CLNS1A: variants seen among roughly 807,000 people sequenced by gnomAD.
The protein encoded by CLNS1A is methylosome subunit pICln.
In CLNS1A, 16 loss-of-function variants were observed where a neutral mutation model predicts 29.4. The ratio of observed to expected loss-of-function variants is 0.54; its 90% confidence interval spans 0.37 to 0.83. The LOEUF (loss-of-function observed/expected upper bound fraction) is 0.83. CLNS1A is among the 40% of genes least tolerant of loss of function. CLNS1A has a pLI of 0.00. For missense variants in CLNS1A, 235 were observed against 287.4 expected (o/e 0.82, Z 1.32); for synonymous variants, 96 against 104.8 (o/e 0.92, Z 0.51).
chr11:77,630,027 C>A, intron 1 of CLNS1A, 128 bp from the exon 2 acceptor site: 1 of 773,276 alleles, frequency 1.3e-6, no homozygotes, highest in Non-Finnish European at 1.9e-6. Context: ...TTTTTAGAAA[C>A]GTTCATAAAA....
At chr11:77,617,923 G>GA (rs1218304284) in intron 6 of CLNS1A, among the ~76,000 whole-genome samples, 74 of 102,246 alleles carry the variant, frequency 7.2e-4, no homozygotes, top group Admixed American at 9.1e-4. Flanking sequence ...ATCTCAAAAA[G>GA]AAAAAAAAAA....
chr11:77,635,934 CGT>C (rs1959120622), intron 1 of CLNS1A, among the ~76,000 whole-genome samples: 1 of 152,056 alleles, frequency 6.6e-6, no homozygotes. Context: ...CACCCGTCGG[CGT>C]ATCCCTAGGG....
intron 6 of CLNS1A, among the ~76,000 whole-genome samples, chr11:77,617,778 C>T (rs943033244): frequency 3.3e-5 from 5 of 151,224 alleles, no homozygotes; most frequent in East Asian, 1.9e-4. Flanking sequence ...ATTAGCCAGG[C>T]GTGGTGGCGC....
At chr11:77,637,426 A>T (rs2135783330) in intron 1 of CLNS1A, among the ~76,000 whole-genome samples, 164 bp downstream of exon 1, 1 of 151,358 alleles carries the variant, frequency 6.6e-6, no homozygotes, top group South Asian at 2.1e-4. Flanking sequence ...GTACTAGAAA[A>T]ATCGAGCCTT....
At chr11:77,626,055 C>A (rs551264338) in intron 2 of CLNS1A, among the ~76,000 whole-genome samples, 8 of 152,002 alleles carry the variant, frequency 5.3e-5, no homozygotes, top group Non-Finnish European at 1.0e-4. Flanking sequence ...CGCGCCTCAC[C>A]GGGAATGAAT....
At chr11:77,620,676 G>A (rs557819860) in intron 5 of CLNS1A, among the ~76,000 whole-genome samples, 53 of 151,980 alleles carry the variant, frequency 3.5e-4, no homozygotes, top group Non-Finnish European at 6.5e-4. Flanking sequence ...GGGCATGGTG[G>A]CAGGCGCTTA....
intron 1 of CLNS1A, among the ~76,000 whole-genome samples, chr11:77,634,942 C>T (rs1444576724): frequency 6.6e-6 from 1 of 151,946 alleles, no homozygotes; most frequent in Non-Finnish European, 1.5e-5. Context: ...ACTACAGGCA[C>T]GTGCAACCAC....
At chr11:77,631,485 T>A (rs1369399260) in intron 1 of CLNS1A, among the ~76,000 whole-genome samples, 1 of 151,708 alleles carries the variant, frequency 6.6e-6, no homozygotes, top group African/African-American at 2.4e-5. Context: ...CACACCCGGC[T>A]AATTTTTTGT....
At chr11:77,636,025 A>G (rs1959121767) in intron 1 of CLNS1A, among the ~76,000 whole-genome samples, 1 of 152,054 alleles carries the variant, frequency 6.6e-6, no homozygotes, top group African/African-American at 2.4e-5. Flanking sequence ...ACGACCTCCA[A>G]ACATCTCTCT....
At position 77,614,862 on chromosome 11, in the gene CLNS1A, C is replaced by T. The variant is rs1356887309; in HGVS notation, c.*1856G>A. The T allele has an allele frequency of 6.6e-6, 1 of 152,180 alleles. No individual in the cohort carries two copies. The highest frequency in any genetic ancestry group is 1.5e-5 in the Non-Finnish European group (1 of 68,030). The allele number at this position is 152,180 out of a possible 1,614,324, so 9.4% of individuals were successfully genotyped here. A position where few individuals can be genotyped will look rare whatever the true frequency, so the allele number is the denominator to read the frequency against. On this transcript the variant is annotated 3_prime_UTR_variant, in exon 7 of 7. Coordinates refer to ENST00000525428, the MANE Select transcript of CLNS1A (RefSeq NM_001293.3). ...AATCAATAAATATTGTCTGGCTGAT[C>T]ATTATAAATTTTATCTTTTAAAAGC... is the stretch of plus-strand genomic sequence containing the variant.
chr11:77,614,595 C>T lies in CLNS1A; in HGVS notation c.*2123G>A, dbSNP rs921643110. 3 of 152,432 alleles carry T rather than the reference C, an allele frequency of 2.0e-5. No homozygotes were observed. Among genetic ancestry groups the T allele is most frequent in the African/African-American group, 7.2e-5 (3 of 41,570 alleles). 9.4% of individuals were successfully genotyped at this position (152,432 alleles called of 1,614,324 possible). ...CTCCTGACCTCAAGTGATCTGCCCACCTGAGCCTCCCAAAGTGCTGGGATT... is the reference window on the plus strand; with the variant it reads ...CTCCTGACCTCAAGTGATCTGCCCATCTGAGCCTCCCAAAGTGCTGGGATT... On this transcript the variant is annotated 3_prime_UTR_variant, in exon 7 of 7. Coordinates refer to ENST00000525428, the MANE Select transcript of CLNS1A (RefSeq NM_001293.3).
Position 77,625,585 on chromosome 11 carries a change from T to C in CLNS1A, c.364+132A>G, listed in dbSNP as rs1410502408. On this transcript the variant is annotated intron_variant, in intron 3 of 6. Transcript: ENST00000525428. ...CTTAATGATATTACCAATGCTAAAA[T>C]AAAGAAAAAGCAATAGAATGGAGGT... 5.4e-6 allele frequency: 4 copies of C among 734,376 alleles called. No individual in the cohort carries two copies. In the African/African-American group the frequency reaches 7.1e-5, roughly 13 times the overall value. 45.5% of individuals were successfully genotyped at this position (734,376 alleles called of 1,614,324 possible).
rs200585111 is a variant in CLNS1A, at chr11:77,614,796, AAG to A, written c.*1920_*1921del. The A allele has an allele frequency of 2.6e-5, 4 of 152,356 alleles. No homozygotes were observed. In the East Asian group the frequency reaches 5.8e-4, roughly 22 times the overall value. 9.4% of individuals were successfully genotyped at this position (152,356 alleles called of 1,614,324 possible). A position where few individuals can be genotyped will look rare whatever the true frequency, so the allele number is the denominator to read the frequency against. The stretch of plus-strand genomic sequence containing the variant: ...AGTGTCTCTACATCAGGAACACACA[AAG>A]AAAACAATTCCAGCAACCCTAAAAT... On this transcript the variant is annotated 3_prime_UTR_variant, in exon 7 of 7. Coordinates refer to ENST00000525428, the MANE Select transcript of CLNS1A (RefSeq NM_001293.3).
chr11:77,635,324 AAC>A (rs1959113631), intron 1 of CLNS1A, among the ~76,000 whole-genome samples: 1 of 151,752 alleles, frequency 6.6e-6, no homozygotes, highest in Non-Finnish European at 1.5e-5. Context: ...GGGTAGTAAT[AAC>A]ACAACTTTTC....
intron 2 of CLNS1A, among the ~76,000 whole-genome samples, 184 bp from the exon 3 acceptor site, chr11:77,626,002 G>T (rs562036948): frequency 2.6e-5 from 4 of 151,964 alleles, no homozygotes; most frequent in Admixed American, 2.0e-4. Flanking sequence ...TCGATCTCCT[G>T]ACCTCGAGAT....
At chr11:77,625,293 GA>G in intron 3 of CLNS1A, 2 of 527,872 alleles carry the variant, frequency 3.8e-6, no homozygotes, top group Non-Finnish European at 6.7e-6. Context: ...GATTTTCCAA[GA>G]AAAAAGGGTC....
At chr11:77,627,738 A>G (rs1342392539) in intron 2 of CLNS1A, among the ~76,000 whole-genome samples, 1 of 152,234 alleles carries the variant, frequency 6.6e-6, no homozygotes, top group Non-Finnish European at 1.5e-5. Flanking sequence ...TTTGGGAACA[A>G]GAGACTAATA....
intron 2 of CLNS1A, among the ~76,000 whole-genome samples, chr11:77,629,177 A>T (rs150392855): frequency 1.3e-4 from 20 of 152,348 alleles, no homozygotes; most frequent in African/African-American, 4.8e-4. Flanking sequence ...AAGGCAGAAT[A>T]AACAGTGAAA....
chr11:77,626,272 G>A (rs1462616371), intron 2 of CLNS1A, among the ~76,000 whole-genome samples: 1 of 151,978 alleles, frequency 6.6e-6, no homozygotes, highest in African/African-American at 2.4e-5. Flanking sequence ...TTTTTGAGAT[G>A]GGGTCTTACG....
Sources: allele counts gnomAD v4.1 joint callset (sites outside exome capture counted in the v4.1 genomes callset), GRCh38; gene constraint gnomAD v4.1.1; transcripts MANE v1.5; gene names NCBI Gene and HGNC (gene_info 2026-07-23, HGNC 2026-07-21).